The following MYO1C variants were observed in gnomAD, a reference collection of about 807,000 sequenced individuals.
MYO1C encodes unconventional myosin-Ic.
MYO1C carries 104 observed loss-of-function variants against 150.8 expected under a neutral mutation model. The ratio of observed to expected loss-of-function variants is 0.69; its 90% CI spans 0.59 to 0.81. The LOEUF (loss-of-function observed/expected upper bound fraction) is 0.81. Ranked by LOEUF, MYO1C falls within the 30% of genes least tolerant of loss-of-function variation. MYO1C has a pLI of 0.00. For missense variants in MYO1C, 1,504 were observed against 1,435.0 expected (o/e 1.05, Z -0.78); for synonymous variants, 663 against 579.9 (o/e 1.14, Z -2.06).
intron 1 of MYO1C, chr17:1,485,829 C>T: frequency 1.8e-6 from 1 of 562,232 alleles, no homozygotes; most frequent in African/African-American, 2.0e-5. Context: ...CCACCCGGGC[C>T]CCTGAAGCGC....
rs1162974695 is a variant in MYO1C at position 1,472,044 on chromosome 17, G to A, written c.1904-20C>T. 5.6e-6 allele frequency: 9 copies of A among 1,613,240 alleles called. No homozygotes were observed. The highest frequency in any genetic ancestry group is 6.8e-6 in the Non-Finnish European group (8 of 1,179,538). ...AGCGGCCTGGGGTAGGGGGAGCGCCGTGGTCAGCGGGCTGGCGCTGACGGC... is the reference window on the plus strand; with the variant it reads ...AGCGGCCTGGGGTAGGGGGAGCGCCATGGTCAGCGGGCTGGCGCTGACGGC... On this transcript the variant is annotated intron_variant, in intron 18 of 31. Transcript: ENST00000648651.
In MYO1C at chr17:1,465,273, C is replaced by T. The variant is rs1397219642; in HGVS notation, c.*453G>A. The T allele has an allele frequency of 6.5e-6, 1 of 154,052 alleles. No homozygotes were observed. Among genetic ancestry groups the T allele is most frequent in the Admixed American group, 6.5e-5 (1 of 15,304 alleles). The allele number at this position is 154,052 out of a possible 1,614,324, so 9.5% of individuals were successfully genotyped here. A position where few individuals can be genotyped will look rare whatever the true frequency, so the allele number is the denominator to read the frequency against. On this transcript the variant is annotated 3_prime_UTR_variant, in exon 32 of 32. Transcript: ENST00000648651. ...CAAGGGAATCAGGAGGAGAGGTGTCCTGGCCAGGGAAGAGGGCACCAGAGC... is the reference window on the plus strand; with the variant it reads ...CAAGGGAATCAGGAGGAGAGGTGTCTTGGCCAGGGAAGAGGGCACCAGAGC...
At chr17:1,484,509 C>T (rs553193848) in intron 1 of MYO1C, 16 of 641,860 alleles carry the variant, frequency 2.5e-5, no homozygotes, top group Admixed American at 2.0e-4. Context: ...GTGGAGGGCC[C>T]GGGTCCCAGT....
intron 24 of MYO1C, 146 bp from the exon 25 acceptor site, chr17:1,469,760 C>T (rs1346115728): frequency 6.5e-6 from 5 of 770,418 alleles, no homozygotes; most frequent in South Asian, 3.1e-5. Context: ...CTCGGCAGGG[C>T]GCGGTGGCTC....
Position 1,465,539 on chromosome 17 carries a change from A to G in MYO1C, c.*187T>C. 1.7e-6 allele frequency: 1 copy of G among 574,804 alleles called. No individual in the cohort carries two copies. The highest frequency in any genetic ancestry group is 3.3e-5 in the East Asian group (1 of 30,500). 35.6% of individuals were successfully genotyped at this position (574,804 alleles called of 1,614,324 possible). On this transcript the variant is annotated 3_prime_UTR_variant, in exon 32 of 32. Transcript: ENST00000648651. The stretch of plus-strand genomic sequence containing the variant: ...CTATTGCTGTGGCCCGGCCTGGCCC[A>G]CTCCTGGGGTAGCTCCTGGCCCCTG...
rs750855822 is a variant in MYO1C, at chr17:1,467,231, G to A, written c.3165+11C>T. ...AGCCAGGCCATAAGCGGGAAAGCAGGCCCCACTCACCACAGCCAGGTGCCC... is the reference window on the plus strand; with the variant it reads ...AGCCAGGCCATAAGCGGGAAAGCAGACCCCACTCACCACAGCCAGGTGCCC... On this transcript the variant is annotated intron_variant, in intron 31 of 31. Coordinates refer to ENST00000648651, the MANE Select transcript of MYO1C (RefSeq NM_001080779.2). 13 of 1,606,342 alleles carry A rather than the reference G, an allele frequency of 8.1e-6. No homozygotes were observed. In the African/African-American group the frequency reaches 1.7e-4, roughly 21 times the overall value.
chr17:1,492,071 G>A (rs2074741826), intron 1 of MYO1C: 1 of 364,198 alleles, frequency 2.7e-6, no homozygotes, highest in Admixed American at 4.0e-5. Flanking sequence ...CTGGAGAGGA[G>A]CGGGGCGTTG....
In MYO1C at chr17:1,465,608, G is replaced by T; in HGVS notation, c.*118C>A. ...GATGGGCAGGAGGTGGGAGATTGCA[G>T]GTGGGCTTCGGGGTGTCCCTGGGTC... is the stretch of plus-strand genomic sequence containing the variant. On this transcript the variant is annotated 3_prime_UTR_variant, in exon 32 of 32. Coordinates refer to ENST00000648651, the MANE Select transcript of MYO1C (RefSeq NM_001080779.2). 2 of 1,078,150 alleles carry T rather than the reference G, an allele frequency of 1.9e-6. No homozygotes were observed. Among genetic ancestry groups the T allele is most frequent in the Non-Finnish European group, 2.5e-6 (2 of 804,380 alleles). 66.8% of individuals were successfully genotyped at this position (1,078,150 alleles called of 1,614,324 possible). A position where few individuals can be genotyped will look rare whatever the true frequency, so the allele number is the denominator to read the frequency against.
At chr17:1,475,143 G>A (rs1212926612) in intron 14 of MYO1C, 111 bp from the exon 15 acceptor site, 41 of 1,062,926 alleles carry the variant, frequency 3.9e-5, no homozygotes, top group African/African-American at 1.6e-4. Flanking sequence ...ACCCCAGGCC[G>A]GGCACAGTGG....
chr17:1,490,841 A>ATG (rs557774824), intron 1 of MYO1C: 1 of 151,212 alleles, frequency 6.6e-6, no homozygotes, highest in Non-Finnish European at 1.5e-5. Flanking sequence ...TCCCCCCAGG[A>ATG]GGGGGCCTTC....
At chr17:1,475,384 A>C (rs572972118) in intron 14 of MYO1C, among the ~76,000 whole-genome samples, 20 of 150,692 alleles carry the variant, frequency 1.3e-4, no homozygotes, top group African/African-American at 4.9e-4. Flanking sequence ...GTGCCACTAC[A>C]CTCCAAAAAA....
chr17:1,483,808 C>T (rs1422084803), intron 2 of MYO1C, 83 bp from the exon 3 acceptor site: 34 of 1,119,858 alleles, frequency 3.0e-5, no homozygotes, highest in Non-Finnish European at 4.5e-5. Flanking sequence ...CTTTGGGAGG[C>T]CAAGGTGGGC....
Position 1,468,363 on chromosome 17 carries a change from G to T in MYO1C, c.2704+40C>A, listed in dbSNP as rs748241939. On this transcript the variant is annotated intron_variant, in intron 26 of 31. Coordinates refer to ENST00000648651, the MANE Select transcript of MYO1C (RefSeq NM_001080779.2). Reference sequence around the variant, plus strand: ...AGTGGAGGCAATGGGGGACCAGGATGGTGACGAAAGGTCTGAGTGCTGGAA... The same window carrying T: ...AGTGGAGGCAATGGGGGACCAGGATTGTGACGAAAGGTCTGAGTGCTGGAA... The T allele has an allele frequency of 1.9e-6, 3 of 1,613,356 alleles. No homozygotes were observed. The Admixed American group carries it at 5.0e-5, about 27-fold the overall frequency.
intron 31 of MYO1C, 73 bp downstream of exon 31, chr17:1,467,169 C>G: frequency 7.0e-7 from 1 of 1,427,354 alleles, no homozygotes; most frequent in Non-Finnish European, 9.6e-7. Flanking sequence ...GGTGCCTGGG[C>G]TCTGCCAAGC....
intron 1 of MYO1C, chr17:1,491,547 C>T: frequency 1.2e-6 from 1 of 855,664 alleles, no homozygotes; most frequent in Non-Finnish European, 1.4e-6. Flanking sequence ...CCCGGCCGCC[C>T]GCTCCCCACA....
intron 31 of MYO1C, 126 bp from the exon 32 acceptor site, chr17:1,465,878 G>T: frequency 1.5e-6 from 1 of 668,808 alleles, no homozygotes; most frequent in Non-Finnish European, 2.2e-6. Context: ...TATTGTCCAG[G>T]CTGGTCTTGG....
chr17:1,471,169 G>C, intron 20 of MYO1C, 22 bp from the exon 21 acceptor site: 1 of 1,613,860 alleles, frequency 6.2e-7, no homozygotes, highest in Non-Finnish European at 8.5e-7. Context: ...GTAGTGATCA[G>C]CCCGGGGTTG....
intron 14 of MYO1C, among the ~76,000 whole-genome samples, chr17:1,475,464 C>G (rs1206833134): frequency 6.6e-6 from 1 of 152,098 alleles, no homozygotes; most frequent in African/African-American, 2.4e-5. Context: ...CCTCCCTGAT[C>G]AGAGCGGACC....
intron 17 of MYO1C, among the ~76,000 whole-genome samples, 175 bp downstream of exon 17, chr17:1,474,427 CAAAAAAAA>C (rs869242496): frequency 1.2e-5 from 1 of 85,722 alleles, no homozygotes; most frequent in Non-Finnish European, 2.5e-5. Flanking sequence ...GACCCTGTCT[CAAAAAAAA>C]AAAAAAAAAA....
Sources: gnomAD v4.1 joint callset for allele counts (sites outside exome capture counted in the v4.1 genomes callset) on GRCh38, gnomAD v4.1.1 for gene constraint, MANE v1.5 for transcripts, NCBI Gene and HGNC (gene_info 2026-07-23, HGNC 2026-07-21) for gene names.